Variants in EBF1 observed in about 807,000 individuals in gnomAD.
The protein encoded by EBF1 is EBF transcription factor 1, also known as transcription factor COE1.
A neutral mutation model predicts 68.4 loss-of-function variants in EBF1; 10 were observed. The observed-to-expected ratio is 0.15, with a 90% CI of 0.09 to 0.25. The LOEUF is 0.25. Among genes scored for constraint, EBF1 ranks in the 10% least tolerant of loss-of-function variants. The probability of loss-of-function intolerance (pLI) is 1.00; values close to 1 mark genes in which losing one functional copy is unlikely to be tolerated. For missense variants in EBF1, 509 were observed against 794.4 expected (o/e 0.64, Z 4.32); for synonymous variants, 298 against 299.8 (o/e 0.99, Z 0.06).
intron 9 of EBF1, among the ~76,000 whole-genome samples, chr5:158,794,702 A>G (rs993561939): frequency 6.6e-6 from 1 of 152,192 alleles, no homozygotes; most frequent in Non-Finnish European, 1.5e-5. Flanking sequence ...GATAAGCAAC[A>G]GAAAGAAAGA....
At chr5:159,058,066 A>G (rs779201856) in intron 6 of EBF1, among the ~76,000 whole-genome samples, 6 of 152,210 alleles carry the variant, frequency 3.9e-5, no homozygotes, top group Non-Finnish European at 8.8e-5. Flanking sequence ...AGATTCTGAC[A>G]GTGGAATTCC....
At chr5:158,890,283 C>G (rs1041592375) in intron 6 of EBF1, among the ~76,000 whole-genome samples, 5 of 152,190 alleles carry the variant, frequency 3.3e-5, no homozygotes, top group African/African-American at 1.2e-4. Context: ...GGCCACTAGG[C>G]CTTTATTCAA....
At chr5:158,918,120 C>T (rs1053245398) in intron 6 of EBF1, among the ~76,000 whole-genome samples, 35 of 152,316 alleles carry the variant, frequency 2.3e-4, no homozygotes, top group African/African-American at 7.9e-4. Flanking sequence ...TTCTCTATTT[C>T]ATTTGAAAGA....
intron 6 of EBF1, among the ~76,000 whole-genome samples, chr5:158,980,092 A>G (rs921143825): frequency 6.6e-6 from 1 of 152,200 alleles, no homozygotes; most frequent in Non-Finnish European, 1.5e-5. Flanking sequence ...AGAAAAAGAG[A>G]AGGCAAAGAA....
At position 158,699,015 on chromosome 5, in the gene EBF1, G is replaced by T. The variant is rs1345021347; in HGVS notation, c.*96C>A. The T allele has an allele frequency of 3.5e-6, 4 of 1,153,764 alleles. No individual in the cohort carries two copies. The Admixed American group carries it at 1.0e-4, about 30-fold the overall frequency. 71.5% of individuals were successfully genotyped at this position (1,153,764 alleles called of 1,614,324 possible). Reference sequence around the variant, plus strand: ...AGTTATTGTGATTCCTCTTAAAAAGGCCTGAGTTAAAAGTTCCACTCTGGG... The same window carrying T: ...AGTTATTGTGATTCCTCTTAAAAAGTCCTGAGTTAAAAGTTCCACTCTGGG... On this transcript the variant is annotated 3_prime_UTR_variant, in exon 16 of 16. Coordinates refer to ENST00000313708, the MANE Select transcript of EBF1 (RefSeq NM_024007.5).
intron 6 of EBF1, among the ~76,000 whole-genome samples, chr5:158,960,743 G>T (rs1467319387): frequency 1.3e-5 from 2 of 152,134 alleles, no homozygotes; most frequent in African/African-American, 4.8e-5. Context: ...GGTCAAAAAG[G>T]CCTGTCAGTT....
At chr5:158,723,806 ATAACT>A (rs1762411310) in intron 11 of EBF1, among the ~76,000 whole-genome samples, 1 of 152,170 alleles carries the variant, frequency 6.6e-6, no homozygotes, top group Non-Finnish European at 1.5e-5. Context: ...CTAAAGATAA[ATAACT>A]TAAAGAGGTG....
intron 6 of EBF1, among the ~76,000 whole-genome samples, chr5:158,866,196 C>T (rs1042297328): frequency 1.3e-5 from 2 of 152,234 alleles, no homozygotes; most frequent in African/African-American, 4.8e-5. Flanking sequence ...AGACCTGAGT[C>T]CCTCTGGACA....
Position 158,696,483 on chromosome 5 carries a change from G to A in EBF1, c.*2628C>T, listed in dbSNP as rs187659794. On this transcript the variant is annotated 3_prime_UTR_variant, in exon 16 of 16. Coordinates refer to ENST00000313708, the MANE Select transcript of EBF1 (RefSeq NM_024007.5). ...AAGCCGGACACCTTCCCGGCTGACC[G>A]TTCATTCCTTCAGAAACAGTTAAGG... is the stretch of plus-strand genomic sequence containing the variant. 3.1e-5 allele frequency: 7 copies of A among 223,530 alleles called. No homozygotes were observed. The highest frequency in any genetic ancestry group is 6.4e-5 in the East Asian group (1 of 15,572). 13.8% of individuals were successfully genotyped at this position (223,530 alleles called of 1,614,324 possible).
intron 6 of EBF1, among the ~76,000 whole-genome samples, chr5:158,981,975 C>A (rs1161854255): frequency 6.6e-6 from 1 of 152,118 alleles, no homozygotes; most frequent in Admixed American, 6.6e-5. Flanking sequence ...CTAGATAAGC[C>A]TCCTGATAAT....
intron 6 of EBF1, among the ~76,000 whole-genome samples, chr5:158,900,624 A>G (rs1803107147): frequency 6.6e-6 from 1 of 152,186 alleles, no homozygotes; most frequent in African/African-American, 2.4e-5. Flanking sequence ...AGCAGGGAGG[A>G]TCCCCTGAAG....
At chr5:158,770,747 T>C (rs1260303630) in intron 10 of EBF1, among the ~76,000 whole-genome samples, 2 of 152,106 alleles carry the variant, frequency 1.3e-5, no homozygotes, top group South Asian at 2.1e-4. Flanking sequence ...GTTAGCTCTT[T>C]GTCATCCTTC....
At chr5:159,069,084 C>T (rs899553985) in intron 6 of EBF1, among the ~76,000 whole-genome samples, 3 of 151,950 alleles carry the variant, frequency 2.0e-5, no homozygotes, top group Admixed American at 6.6e-5. Flanking sequence ...TTTTAAATAT[C>T]GGCTTTGAGG....
chr5:158,910,533 C>G (rs1805731914), intron 6 of EBF1, among the ~76,000 whole-genome samples: 1 of 152,088 alleles, frequency 6.6e-6, no homozygotes, highest in Non-Finnish European at 1.5e-5. Flanking sequence ...TACTAAAGAA[C>G]CAGTATGTTG....
At chr5:158,724,674 A>AT (rs1561747530) in intron 11 of EBF1, among the ~76,000 whole-genome samples, 1 of 152,212 alleles carries the variant, frequency 6.6e-6, no homozygotes, top group African/African-American at 2.4e-5. Flanking sequence ...ACTGAGCAAA[A>AT]ACAGTGCCTG....
At chr5:158,872,121 A>C (rs1013838960) in intron 6 of EBF1, among the ~76,000 whole-genome samples, 1 of 152,068 alleles carries the variant, frequency 6.6e-6, no homozygotes, top group East Asian at 1.9e-4. Flanking sequence ...TCCCAACCCC[A>C]TGATGGTCTT....
At chr5:158,864,520 G>A (rs79536464) in intron 6 of EBF1, among the ~76,000 whole-genome samples, 7,419 of 152,148 alleles carry the variant, frequency 0.049, 731 homozygotes, top group East Asian at 0.43. Flanking sequence ...GTAGTTCTAT[G>A]CCTGTTCTGG....
At position 158,712,269 on chromosome 5, in the gene EBF1, C is replaced by A. The variant is rs1759543648; in HGVS notation, c.1434G>T (p.Gln478His). ...TCGTGGTGACGGAGTTATAGTTGGT[C>A]TGCTGGGGAGTGGTGCTCGGCACGT... ...HGYVPSTTPQ[Q>H]TNYNSVTTSM... The change falls in exon 14 of 16, where the codon CAG becomes CAT. Residue 478 changes from glutamine (Q) to histidine (H), a missense_variant. Coordinates refer to ENST00000313708, the MANE Select transcript of EBF1 (RefSeq NM_024007.5). The A allele has an allele frequency of 6.2e-7, 1 of 1,613,936 alleles. No homozygotes were observed. Among genetic ancestry groups the A allele is most frequent in the African/African-American group, 1.3e-5 (1 of 74,920 alleles).
At position 159,006,554 on chromosome 5, in the gene EBF1, C is replaced by T. The variant is rs946702236; in HGVS notation, c.554+66842G>A. ...CCATAATCACCAAATCACAAAGCAA[C>T]GTGGGAATCCGTTTCAGGTAATCCC... On this transcript the variant is annotated intron_variant, in intron 6 of 15. Coordinates refer to ENST00000313708, the MANE Select transcript of EBF1 (RefSeq NM_024007.5). Among the ~76,000 whole-genome samples the T allele has an allele frequency of 1.0e-4, 15 of 145,650 alleles. No individual in the cohort carries two copies. In the Middle Eastern group the frequency reaches 0.011, roughly 107 times the overall value.
Sources: gnomAD v4.1 joint callset for allele counts (sites outside exome capture counted in the v4.1 genomes callset) on GRCh38, gnomAD v4.1.1 for gene constraint, MANE v1.5 for transcripts, NCBI Gene and HGNC (gene_info 2026-07-23, HGNC 2026-07-21) for gene names.